ERC2: variants seen among roughly 807,000 people sequenced by gnomAD.
ERC2 encodes the protein ERC protein 2.
Under a neutral mutation model 114.8 loss-of-function variants are expected in ERC2, and 42 were observed. The observed-to-expected ratio is 0.37, with a 90% CI of 0.29 to 0.47. The LOEUF is 0.47. ERC2 is among the 20% of genes least tolerant of loss of function. The pLI is 0.99. For missense variants in ERC2, 939 were observed against 1,150.7 expected (o/e 0.82, Z 2.66); for synonymous variants, 454 against 425.5 (o/e 1.07, Z -0.82).
intron 14 of ERC2, among the ~76,000 whole-genome samples, chr3:55,762,889 A>G (rs1464098101): frequency 1.3e-5 from 2 of 152,248 alleles, no homozygotes; most frequent in Non-Finnish European, 2.9e-5. Context: ...ATAGCTCAAG[A>G]TGACAGAACC....
chr3:55,796,705 A>G (rs949915399), intron 14 of ERC2, among the ~76,000 whole-genome samples: 1 of 152,198 alleles, frequency 6.6e-6, no homozygotes, highest in Non-Finnish European at 1.5e-5. Context: ...GATTACAGGC[A>G]TGAGCCACTG....
chr3:55,679,042 G>T (rs542050758), intron 17 of ERC2, among the ~76,000 whole-genome samples: 1 of 152,168 alleles, frequency 6.6e-6, no homozygotes, highest in East Asian at 1.9e-4. Flanking sequence ...AGCAGCCAGG[G>T]TTGTTCTACA....
At chr3:55,648,727 T>C (rs1210971426) in intron 17 of ERC2, among the ~76,000 whole-genome samples, 1 of 152,154 alleles carries the variant, frequency 6.6e-6, no homozygotes, top group African/African-American at 2.4e-5. Flanking sequence ...CCCTTTGCCC[T>C]GGTTCAGAGA....
intron 8 of ERC2, among the ~76,000 whole-genome samples, chr3:56,016,256 A>G (rs1353331842): frequency 2.0e-5 from 3 of 151,920 alleles, no homozygotes; most frequent in Non-Finnish European, 4.4e-5. Context: ...ATTGCTTTAG[A>G]CATTTTCATC....
intron 6 of ERC2, among the ~76,000 whole-genome samples, chr3:56,103,276 G>T (rs2078456989): frequency 6.6e-6 from 1 of 152,146 alleles, no homozygotes; most frequent in African/African-American, 2.4e-5. Context: ...GGGTGAAGTG[G>T]GGACAGTGGA....
intron 4 of ERC2, among the ~76,000 whole-genome samples, chr3:56,150,635 T>G (rs2081366643): frequency 2.0e-5 from 3 of 152,206 alleles, no homozygotes. Context: ...CAATATACTT[T>G]GAATTCATAG....
At chr3:55,776,180 A>G (rs2068600151) in intron 14 of ERC2, among the ~76,000 whole-genome samples, 1 of 133,710 alleles carries the variant, frequency 7.5e-6, no homozygotes, top group Non-Finnish European at 1.6e-5. Context: ...TTAGTAACTG[A>G]CCAAGTGAAC....
intron 14 of ERC2, among the ~76,000 whole-genome samples, chr3:55,803,516 T>C (rs2059382263): frequency 6.6e-6 from 1 of 151,866 alleles, no homozygotes; most frequent in African/African-American, 2.4e-5. Flanking sequence ...ATATTTACTA[T>C]GAGTTTCTGG....
intron 13 of ERC2, among the ~76,000 whole-genome samples, chr3:55,913,557 TA>T (rs1259277175): frequency 6.6e-6 from 1 of 151,936 alleles, no homozygotes; most frequent in East Asian, 1.9e-4. Context: ...GTATTTTTTG[TA>T]ACTTACTTTT....
chr3:55,712,380 A>T (rs1360748279), intron 15 of ERC2, among the ~76,000 whole-genome samples: 1 of 152,192 alleles, frequency 6.6e-6, no homozygotes. Flanking sequence ...GTAGAAGAGA[A>T]AAGGGGGGAA....
At chr3:56,240,876 A>C (rs943495955) in intron 3 of ERC2, among the ~76,000 whole-genome samples, 1 of 152,158 alleles carries the variant, frequency 6.6e-6, no homozygotes, top group African/African-American at 2.4e-5. Flanking sequence ...GGTTACGTGG[A>C]TATATCGTGT....
At chr3:56,163,142 C>T (rs527256919) in intron 4 of ERC2, among the ~76,000 whole-genome samples, 1 of 152,234 alleles carries the variant, frequency 6.6e-6, no homozygotes, top group East Asian at 1.9e-4. Flanking sequence ...CATGCAGGAG[C>T]AAATTGTTTA....
Position 55,888,470 on chromosome 3 carries a change from T to G in ERC2, c.2483A>C (p.Gln828Pro). The change falls in exon 14 of 18, where the codon CAG (glutamine) becomes CCG (proline). Residue 828 changes from glutamine (Q) to proline (P), a missense_variant. By Grantham distance (76) the Gln-to-Pro change is moderately conservative. Transcript: ENST00000288221. ...ATKARLASTQ[Q>P]SLAEKEAHLA... Reference sequence around the variant, plus strand: ...GTGCGCTTCTTTTTCGGCCAGGGACTGTTGTGTGGAGGCGAGGCGTGCTTT... The same window carrying G: ...GTGCGCTTCTTTTTCGGCCAGGGACGGTTGTGTGGAGGCGAGGCGTGCTTT... 6.2e-7 allele frequency: 1 copy of G among 1,613,906 alleles called. No homozygotes were observed. The highest frequency in any genetic ancestry group is 8.5e-7 in the Non-Finnish European group (1 of 1,179,844).
At chr3:55,972,916 C>T in intron 12 of ERC2, among the ~76,000 whole-genome samples, 1 of 152,140 alleles carries the variant, frequency 6.6e-6, no homozygotes, top group East Asian at 1.9e-4. Context: ...AATGGTCTGT[C>T]AAGTGCAAAC....
chr3:55,603,621 G>T (rs1274461137), intron 17 of ERC2, among the ~76,000 whole-genome samples: 1 of 147,354 alleles, frequency 6.8e-6, no homozygotes, highest in Non-Finnish European at 1.5e-5. Flanking sequence ...TCCAGCCTGG[G>T]TGACGGAGTG....
intron 12 of ERC2, among the ~76,000 whole-genome samples, chr3:55,976,036 A>T (rs910600090): frequency 6.6e-6 from 1 of 152,146 alleles, no homozygotes; most frequent in Non-Finnish European, 1.5e-5. Context: ...TTTTCATTCC[A>T]ATCTGCCTAC....
intron 15 of ERC2, among the ~76,000 whole-genome samples, chr3:55,707,353 C>G (rs981626755): frequency 4.6e-5 from 7 of 152,156 alleles, no homozygotes; most frequent in African/African-American, 1.7e-4. Flanking sequence ...GTGGGAGGAT[C>G]ACCTGAGCAC....
chr3:56,336,320 T>C (rs1170360122), intron 2 of ERC2, among the ~76,000 whole-genome samples: 1 of 152,196 alleles, frequency 6.6e-6, no homozygotes, highest in Non-Finnish European at 1.5e-5. Context: ...TCAAGTGTTG[T>C]GGTTGGAACA....
chr3:55,654,921 C>G (rs1559807184), intron 17 of ERC2, among the ~76,000 whole-genome samples: 1 of 152,194 alleles, frequency 6.6e-6, no homozygotes, highest in Non-Finnish European at 1.5e-5. Context: ...CTAGGCTCGA[C>G]CATTTCAGTG....
Sources: gnomAD v4.1 joint callset for allele counts (sites outside exome capture counted in the v4.1 genomes callset) on GRCh38, gnomAD v4.1.1 for gene constraint, MANE v1.5 for transcripts, NCBI Gene and HGNC (gene_info 2026-07-23, HGNC 2026-07-21) for gene names.